Variants in SLC71A1 observed in about 807,000 individuals in gnomAD.
The protein encoded by SLC71A1 is solute carrier family 71 member 1, also known as hippocampus abundant gene transcript 1.
the SLC71A1 span, among the ~76,000 whole-genome samples, chr1:100,046,865 T>TGG: frequency 2.6e-5 from 4 of 152,230 alleles, no homozygotes; most frequent in African/African-American, 9.6e-5. Context: ...CTTGGTTTCT[T>TGG]TTTCAGATAT....
the SLC71A1 span, among the ~76,000 whole-genome samples, chr1:100,059,337 T>C: frequency 6.6e-6 from 1 of 151,314 alleles, no homozygotes; most frequent in Non-Finnish European, 1.5e-5. Context: ...TTTTTGTATT[T>C]TTAGTAGAGA....
chr1:100,053,159 C>A, the SLC71A1 span, among the ~76,000 whole-genome samples: 1 of 152,124 alleles, frequency 6.6e-6, no homozygotes, highest in Non-Finnish European at 1.5e-5. Flanking sequence ...TATATTAATT[C>A]AATATGGGCT....
chr1:100,076,630 C>A, the SLC71A1 span, among the ~76,000 whole-genome samples: 3 of 152,158 alleles, frequency 2.0e-5, no homozygotes, highest in African/African-American at 7.2e-5. Flanking sequence ...AGATTATGAT[C>A]CAGGCTGTTT....
At chr1:100,072,192 C>T in the SLC71A1 span, among the ~76,000 whole-genome samples, 1 of 152,090 alleles carries the variant, frequency 6.6e-6, no homozygotes, top group Admixed American at 6.5e-5. Context: ...ATGACTTGTC[C>T]CCTGTTGACC....
the SLC71A1 span, among the ~76,000 whole-genome samples, chr1:100,076,232 CTT>C: frequency 6.6e-6 from 1 of 152,146 alleles, no homozygotes; most frequent in African/African-American, 2.4e-5. Context: ...GAATTCAAAA[CTT>C]ATATTTTATG....
the SLC71A1 span, chr1:100,062,201 G>A: frequency 1.6e-5 from 5 of 314,272 alleles, no homozygotes; most frequent in East Asian, 3.0e-4. Context: ...ATTTTACCTT[G>A]TAGAGTTCTT....
the SLC71A1 span, chr1:100,068,345 G>T: frequency 1.1e-6 from 1 of 929,816 alleles, no homozygotes; most frequent in Non-Finnish European, 1.6e-6. Flanking sequence ...TGGGGAATAT[G>T]AAATAAATAA....
At chr1:100,057,541 G>A in the SLC71A1 span, among the ~76,000 whole-genome samples, 2 of 151,838 alleles carry the variant, frequency 1.3e-5, no homozygotes, top group East Asian at 1.9e-4. Flanking sequence ...TTTTAGTAGA[G>A]ATGAGGTTTC....
At chr1:100,055,639 T>C in the SLC71A1 span, among the ~76,000 whole-genome samples, 7 of 152,276 alleles carry the variant, frequency 4.6e-5, no homozygotes, top group East Asian at 1.2e-3. Context: ...ATGAGATATT[T>C]TGATACAGGC....
At chr1:100,038,458 G>A in the SLC71A1 span, 3 of 713,740 alleles carry the variant, frequency 4.2e-6, no homozygotes, top group Admixed American at 2.3e-5. Flanking sequence ...CCTCGGGGTC[G>A]CGGACCCGCA....
the SLC71A1 span, among the ~76,000 whole-genome samples, chr1:100,047,706 G>A: frequency 1.2e-4 from 19 of 152,332 alleles, no homozygotes; most frequent in African/African-American, 4.6e-4. Flanking sequence ...ACAGGTGAGA[G>A]CCACTGCGCC....
the SLC71A1 span, among the ~76,000 whole-genome samples, chr1:100,063,787 C>G: frequency 6.6e-6 from 1 of 152,122 alleles, no homozygotes; most frequent in African/African-American, 2.4e-5. Flanking sequence ...CAGAGCGAGA[C>G]CTGTCTCCAA....
chr1:100,076,431 A>G, the SLC71A1 span, among the ~76,000 whole-genome samples: 2 of 152,204 alleles, frequency 1.3e-5, no homozygotes. Context: ...GGCACAAGAA[A>G]ACCCACCCAC....
At chr1:100,048,006 T>TTTATTG in the SLC71A1 span, among the ~76,000 whole-genome samples, 1 of 152,150 alleles carries the variant, frequency 6.6e-6, no homozygotes, top group East Asian at 1.9e-4. Flanking sequence ...GAGGTCAGTA[T>TTTATTG]TTATTGTTTT....
chr1:100,047,389 G>T, the SLC71A1 span, among the ~76,000 whole-genome samples: 1 of 152,126 alleles, frequency 6.6e-6, no homozygotes, highest in African/African-American at 2.4e-5. Flanking sequence ...TTCATACCTG[G>T]ATGAATCCCA....
chr1:100,059,144 GTTTTTTTTTTT>G, the SLC71A1 span, among the ~76,000 whole-genome samples: 14 of 75,416 alleles, frequency 1.9e-4, no homozygotes, highest in African/African-American at 4.1e-4. Flanking sequence ...TCTTTTTCGT[GTTTTTTTTTTT>G]TTTTTTTTTT....
the SLC71A1 span, among the ~76,000 whole-genome samples, chr1:100,064,037 C>G: frequency 9.2e-3 from 1,394 of 152,302 alleles, 25 homozygotes; most frequent in African/African-American, 0.032. Flanking sequence ...AGATCTGGGT[C>G]CCTCTGAAAC....
chr1:100,071,313 AAAAG>A, the SLC71A1 span, among the ~76,000 whole-genome samples: 3,002 of 142,482 alleles, frequency 0.021, 65 homozygotes, highest in African/African-American at 0.028. Context: ...AAAAAAAAAA[AAAAG>A]AAAGAAAGCC....
the SLC71A1 span, among the ~76,000 whole-genome samples, chr1:100,063,372 CA>C: frequency 3.3e-5 from 5 of 152,106 alleles, no homozygotes; most frequent in Admixed American, 2.0e-4. Context: ...GGCACAGTGG[CA>C]TGTGCCTGTA....
Sources: allele counts gnomAD v4.1 joint callset (sites outside exome capture counted in the v4.1 genomes callset), GRCh38; gene constraint gnomAD v4.1.1; transcripts MANE v1.5; gene names NCBI Gene and HGNC (gene_info 2026-07-23, HGNC 2026-07-21).